The following VPS41 variants were observed in gnomAD, a reference collection of about 807,000 sequenced individuals.
The protein encoded by VPS41 is vacuolar protein sorting-associated protein 41 homolog.
A neutral mutation model predicts 130.9 loss-of-function variants in VPS41; 85 were observed. That is an observed-to-expected ratio of 0.65 (90% CI 0.55 to 0.78). The LOEUF (loss-of-function observed/expected upper bound fraction) is 0.78. VPS41 is among the 30% of genes least tolerant of loss of function. The pLI, the probability that VPS41 is intolerant of heterozygous loss-of-function variation, is 0.00. For missense variants in VPS41, 874 were observed against 1,018.7 expected (o/e 0.86, Z 1.93); for synonymous variants, 335 against 332.9 (o/e 1.01, Z -0.07).
At position 38,848,445 on chromosome 7, in the gene VPS41, C is replaced by A. The variant is rs777655784; in HGVS notation, c.246+14100G>T. On this transcript the variant is annotated intron_variant, in intron 4 of 28. Coordinates refer to ENST00000310301, the MANE Select transcript of VPS41 (RefSeq NM_014396.4). The stretch of plus-strand genomic sequence containing the variant: ...CCTACCTCCCTTTCAGTTTGCCTAC[C>A]CCATATACAATTGAACATTATTAAA... Among the ~76,000 whole-genome samples, 12 of 151,964 alleles carry A rather than the reference C, an allele frequency of 7.9e-5. 1 individual carries two copies. Among genetic ancestry groups the A allele is most frequent in the Admixed American group, 3.3e-4 (5 of 15,232 alleles).
intron 10 of VPS41, among the ~76,000 whole-genome samples, chr7:38,786,000 G>A (rs1429541993): frequency 1.3e-5 from 2 of 152,212 alleles, no homozygotes; most frequent in Non-Finnish European, 1.5e-5. Flanking sequence ...TCATCTGGCA[G>A]TTCCTAGAAA....
intron 22 of VPS41, among the ~76,000 whole-genome samples, chr7:38,751,567 T>G (rs1345634982): frequency 6.6e-6 from 1 of 152,218 alleles, no homozygotes; most frequent in African/African-American, 2.4e-5. Flanking sequence ...CAACACACAT[T>G]TAGTAAATGT....
intron 12 of VPS41, among the ~76,000 whole-genome samples, 195 bp downstream of exon 12, chr7:38,773,920 T>C (rs1248516134): frequency 6.6e-6 from 1 of 152,150 alleles, no homozygotes; most frequent in Admixed American, 6.5e-5. Context: ...TAGCCTTCCC[T>C]TTTACTATAG....
At chr7:38,774,047 T>C in intron 12 of VPS41, 68 bp downstream of exon 12, 3 of 1,419,786 alleles carry the variant, frequency 2.1e-6, no homozygotes, top group Non-Finnish European at 2.9e-6. Flanking sequence ...ATTCCATTTA[T>C]TGCAAGTAGG....
rs1164954245 is a variant in VPS41 at position 38,726,295 on chromosome 7, C to CT, written c.2515dup (p.Ser839LysfsTer3). The CT allele has an allele frequency of 3.7e-6, 6 of 1,613,864 alleles. No individual in the cohort carries two copies. The highest frequency in any genetic ancestry group is 3.3e-5 in the Admixed American group (2 of 59,998). On this transcript the variant is annotated frameshift_variant, in exon 29 of 29. Transcript: ENST00000310301. LOFTEE classifies it high-confidence loss of function. ...ACTTCCTGGTCCACGGTTCTTAGCA[C>CT]TGCAGATGTTGCAGAACTGTGCAGC...
At chr7:38,732,049 A>G (rs1263010081) in intron 25 of VPS41, among the ~76,000 whole-genome samples, 1 of 152,214 alleles carries the variant, frequency 6.6e-6, no homozygotes, top group Non-Finnish European at 1.5e-5. Context: ...CAAGCCTGGG[A>G]AAGCAGCCCT....
chr7:38,877,544 G>C (rs980854995), intron 2 of VPS41, among the ~76,000 whole-genome samples: 12 of 152,032 alleles, frequency 7.9e-5, no homozygotes, highest in African/African-American at 2.2e-4. Flanking sequence ...ATACGAAAAA[G>C]GAAAATGCTG....
At chr7:38,805,142 G>A (rs1477983964) in intron 7 of VPS41, among the ~76,000 whole-genome samples, 1 of 152,218 alleles carries the variant, frequency 6.6e-6, no homozygotes, top group Non-Finnish European at 1.5e-5. Flanking sequence ...TGCACAGTGA[G>A]TATATCAAAA....
chr7:38,831,354 G>A (rs918126268), intron 4 of VPS41: 1 of 416,824 alleles, frequency 2.4e-6, no homozygotes, highest in South Asian at 1.8e-5. Context: ...ATTAAAATTC[G>A]ATAAATCAGA....
intron 2 of VPS41, among the ~76,000 whole-genome samples, chr7:38,870,452 C>T (rs1248520657): frequency 6.6e-6 from 1 of 151,988 alleles, no homozygotes; most frequent in African/African-American, 2.4e-5. Flanking sequence ...AACTTAACTC[C>T]CTTAGAGTTC....
chr7:38,739,592 C>G (rs1000984317), intron 25 of VPS41, among the ~76,000 whole-genome samples: 1 of 152,090 alleles, frequency 6.6e-6, no homozygotes, highest in East Asian at 1.9e-4. Flanking sequence ...AAAAATAATG[C>G]CTGGAATTCT....
intron 7 of VPS41, among the ~76,000 whole-genome samples, chr7:38,799,351 CA>C (rs1784681815): frequency 6.6e-6 from 1 of 151,734 alleles, no homozygotes; most frequent in Non-Finnish European, 1.5e-5. Flanking sequence ...AAAAATGGTA[CA>C]AAAAACATTC....
rs369512107 is a variant in VPS41, at chr7:38,892,025, T to C, written c.60+6066A>G. On this transcript the variant is annotated intron_variant, in intron 2 of 28. Coordinates refer to ENST00000310301, the MANE Select transcript of VPS41 (RefSeq NM_014396.4). ...ACTTTATTAAACAATTAATATTATA[T>C]ATAAATTAACTATTCTCTATTCTCT... 3.3e-5 allele frequency among the ~76,000 whole-genome samples: 5 copies of C among 152,156 alleles called. 1 individual carries two copies. Among genetic ancestry groups the C allele is most frequent in the South Asian group, 2.1e-4 (1 of 4,828 alleles).
At chr7:38,740,054 C>T (rs972151978) in intron 25 of VPS41, among the ~76,000 whole-genome samples, 2 of 152,152 alleles carry the variant, frequency 1.3e-5, no homozygotes, top group Non-Finnish European at 2.9e-5. Flanking sequence ...ATGACCTAGT[C>T]ATAGGGATGC....
chr7:38,730,281 A>T (rs1455173079), intron 25 of VPS41, among the ~76,000 whole-genome samples: 1 of 152,180 alleles, frequency 6.6e-6, no homozygotes, highest in Non-Finnish European at 1.5e-5. Context: ...GGGGAAGAAA[A>T]GTAAGGGAGC....
chr7:38,753,717 G>T (rs1156673294), intron 21 of VPS41, among the ~76,000 whole-genome samples: 4 of 152,104 alleles, frequency 2.6e-5, no homozygotes, highest in African/African-American at 9.7e-5. Context: ...CTTTATAAAT[G>T]AATTCCTAAG....
chr7:38,869,286 C>CA, intron 2 of VPS41, 33 bp from the exon 3 acceptor site: 1 of 1,490,930 alleles, frequency 6.7e-7, no homozygotes, highest in Non-Finnish European at 9.3e-7. Context: ...TGACACCCGT[C>CA]AGAGATTTAT....
At chr7:38,809,702 A>C (rs981487523) in intron 7 of VPS41, among the ~76,000 whole-genome samples, 1 of 152,170 alleles carries the variant, frequency 6.6e-6, no homozygotes, top group Non-Finnish European at 1.5e-5. Flanking sequence ...CTTACAAAGC[A>C]ACTTGCCCCT....
intron 4 of VPS41, among the ~76,000 whole-genome samples, chr7:38,834,637 ATC>A (rs1403783064): frequency 6.6e-6 from 1 of 152,154 alleles, no homozygotes; most frequent in East Asian, 1.9e-4. Context: ...CATGGTGATG[ATC>A]TGTTTTACTA....
Sources: allele counts gnomAD v4.1 joint callset (sites outside exome capture counted in the v4.1 genomes callset), GRCh38; gene constraint gnomAD v4.1.1; transcripts MANE v1.5; gene names NCBI Gene and HGNC (gene_info 2026-07-23, HGNC 2026-07-21).